GPC5: variants seen among roughly 807,000 people sequenced by gnomAD.
The protein encoded by GPC5 is glypican 5.
In GPC5, 47 loss-of-function variants were observed where a neutral mutation model predicts 53.9. The observed-to-expected ratio is 0.87, with a 90% CI of 0.69 to 1.11. GPC5 has a LOEUF of 1.11. GPC5 is among the 50% of genes most tolerant of loss of function. The pLI, the probability that GPC5 is intolerant of heterozygous loss-of-function variation, is 0.00. For missense variants in GPC5, 748 were observed against 713.1 expected (o/e 1.05, Z -0.56); for synonymous variants, 286 against 263.3 (o/e 1.09, Z -0.84).
chr13:92,242,608 A>G (rs997477960), intron 7 of GPC5, among the ~76,000 whole-genome samples: 2 of 152,036 alleles, frequency 1.3e-5, no homozygotes, highest in African/African-American at 4.8e-5. Flanking sequence ...AAATATATAA[A>G]ATAAAGAAAG....
chr13:92,192,033 G>T (rs1234279659), intron 7 of GPC5, among the ~76,000 whole-genome samples: 1 of 152,144 alleles, frequency 6.6e-6, no homozygotes, highest in Non-Finnish European at 1.5e-5. Flanking sequence ...TTCTGGAAAA[G>T]GAAAAATTAT....
At chr13:91,803,785 C>G (rs1439658819) in intron 5 of GPC5, among the ~76,000 whole-genome samples, 44 of 137,562 alleles carry the variant, frequency 3.2e-4, no homozygotes, top group Non-Finnish European at 6.7e-4. Context: ...CAGACAGACA[C>G]ACACACACAC....
At chr13:91,832,300 CTTTTTTT>C (rs55698516) in intron 5 of GPC5, among the ~76,000 whole-genome samples, 4 of 122,990 alleles carry the variant, frequency 3.3e-5, no homozygotes, top group African/African-American at 1.2e-4. Context: ...GCTTTTTTCT[CTTTTTTT>C]TTTTTTTTTT....
At chr13:91,678,584 C>T (rs1039239566) in intron 2 of GPC5, among the ~76,000 whole-genome samples, 2 of 152,130 alleles carry the variant, frequency 1.3e-5, no homozygotes, top group African/African-American at 4.8e-5. Context: ...CCAAAATGTT[C>T]TAGCACCAAG....
At chr13:92,538,387 G>C (rs9516091) in intron 7 of GPC5, among the ~76,000 whole-genome samples, 1 of 147,152 alleles carries the variant, frequency 6.8e-6, no homozygotes, top group African/African-American at 2.5e-5. Context: ...CCTCTCTCTT[G>C]CTTCACTCCT....
chr13:91,889,870 A>G lies in GPC5; in HGVS notation c.1281-18067A>G, dbSNP rs559695911. ...GCACAATTCATACTTAATTACAACA[A>G]TGATAAGTGCATCCTGGAAAATAAA... On this transcript the variant is annotated intron_variant, in intron 5 of 7. Transcript: ENST00000377067. Among the ~76,000 whole-genome samples, 6 of 152,322 alleles carry G rather than the reference A, an allele frequency of 3.9e-5. No homozygotes were observed. The South Asian group carries it at 1.0e-3, about 26-fold the overall frequency.
intron 6 of GPC5, among the ~76,000 whole-genome samples, chr13:92,058,173 A>AT (rs1013987838): frequency 1.3e-5 from 2 of 152,140 alleles, no homozygotes; most frequent in Non-Finnish European, 2.9e-5. Context: ...GGGTCTTTAG[A>AT]TTTTTTAAAA....
At chr13:91,864,921 T>C (rs1594626606) in intron 5 of GPC5, among the ~76,000 whole-genome samples, 1 of 151,528 alleles carries the variant, frequency 6.6e-6, no homozygotes, top group Non-Finnish European at 1.5e-5. Context: ...TTTTTTTAAT[T>C]TGAGACAGAG....
chr13:91,979,231 T>A lies in GPC5; in HGVS notation c.1401+71174T>A, dbSNP rs77987472. 1.3e-3 allele frequency among the ~76,000 whole-genome samples: 193 copies of A among 152,182 alleles called. 1 individual carries two copies. Among genetic ancestry groups the A allele is most frequent in the African/African-American group, 3.8e-3 (158 of 41,546 alleles). ...AAAAAGCCCATAGTGATTTTTTTTT[T>A]AAATCTGTGTCATTAACATCACGGA... On this transcript the variant is annotated intron_variant, in intron 6 of 7. Transcript: ENST00000377067.
intron 7 of GPC5, among the ~76,000 whole-genome samples, chr13:92,207,180 C>A (rs1377857716): frequency 6.6e-6 from 1 of 152,102 alleles, no homozygotes; most frequent in Non-Finnish European, 1.5e-5. Context: ...CTAGCAAGTC[C>A]CTCCTCTCTT....
chr13:91,553,394 T>C lies in GPC5; in HGVS notation c.325+104472T>C, dbSNP rs369789964. ...CAGGAAGAATATATTAAATTTATAC[T>C]CCTTCTCCTTTATTTTTTTAAAACA... On this transcript the variant is annotated intron_variant, in intron 2 of 7. Coordinates refer to ENST00000377067, the MANE Select transcript of GPC5 (RefSeq NM_004466.6). 4.2e-5 allele frequency among the ~76,000 whole-genome samples: 6 copies of C among 144,044 alleles called. No homozygotes were observed. The East Asian group carries it at 8.1e-4, about 19-fold the overall frequency. 94.5% of individuals were successfully genotyped at this position (144,044 alleles called of 152,430 possible). A position where few individuals can be genotyped will look rare whatever the true frequency, so the allele number is the denominator to read the frequency against.
intron 7 of GPC5, among the ~76,000 whole-genome samples, chr13:92,552,802 C>T (rs1191549012): frequency 6.6e-6 from 1 of 151,822 alleles, no homozygotes; most frequent in African/African-American, 2.4e-5. Flanking sequence ...GTTGATTACT[C>T]CCTTCATTGA....
chr13:92,064,521 G>C (rs1345363112), intron 6 of GPC5, among the ~76,000 whole-genome samples: 1 of 152,100 alleles, frequency 6.6e-6, no homozygotes, highest in Non-Finnish European at 1.5e-5. Flanking sequence ...ACTTTGGGAG[G>C]CCCAAGCGGG....
At chr13:92,190,954 C>T (rs935272455) in intron 7 of GPC5, among the ~76,000 whole-genome samples, 12 of 151,976 alleles carry the variant, frequency 7.9e-5, no homozygotes, top group Admixed American at 4.6e-4. Flanking sequence ...CAAGACCTAC[C>T]TATATGTTGT....
intron 7 of GPC5, among the ~76,000 whole-genome samples, chr13:92,739,571 A>G (rs1889030722): frequency 6.6e-6 from 1 of 152,032 alleles, no homozygotes; most frequent in South Asian, 2.1e-4. Context: ...AACTGAACAC[A>G]ATCTTATCAA....
At chr13:92,328,609 TC>T (rs2043268002) in intron 7 of GPC5, among the ~76,000 whole-genome samples, 1 of 152,130 alleles carries the variant, frequency 6.6e-6, no homozygotes, top group Admixed American at 6.6e-5. Context: ...GAGATGGTGC[TC>T]CTTAAAGTAA....
chr13:92,444,325 A>C (rs538703116), intron 7 of GPC5, among the ~76,000 whole-genome samples: 2 of 152,310 alleles, frequency 1.3e-5, no homozygotes, highest in Admixed American at 1.3e-4. Context: ...TGTGAGAAGC[A>C]AGAAAAAGGG....
intron 7 of GPC5, among the ~76,000 whole-genome samples, chr13:92,284,360 A>G (rs2042938138): frequency 6.6e-6 from 1 of 152,216 alleles, no homozygotes; most frequent in Non-Finnish European, 1.5e-5. Flanking sequence ...AATCATTAGA[A>G]AAAGAGGGAA....
chr13:92,292,775 A>G (rs2043007001), intron 7 of GPC5, among the ~76,000 whole-genome samples: 1 of 152,042 alleles, frequency 6.6e-6, no homozygotes, highest in African/African-American at 2.4e-5. Flanking sequence ...CCAATGTTAT[A>G]TTCTAGAATT....
Sources: gnomAD v4.1 joint callset for allele counts (sites outside exome capture counted in the v4.1 genomes callset) on GRCh38, gnomAD v4.1.1 for gene constraint, MANE v1.5 for transcripts, NCBI Gene and HGNC (gene_info 2026-07-23, HGNC 2026-07-21) for gene names.